MTSS1: variants seen among roughly 807,000 people sequenced by gnomAD.
The protein encoded by MTSS1 is protein MTSS 1.
In MTSS1, 18 loss-of-function variants were observed where a neutral mutation model predicts 79.0. That is an observed-to-expected ratio of 0.23 (90% CI 0.16 to 0.34). MTSS1 has a LOEUF of 0.34. Among genes scored for constraint, MTSS1 ranks in the 10% least tolerant of loss-of-function variants. The probability of loss-of-function intolerance (pLI) is 1.00; values close to 1 mark genes in which losing one functional copy is unlikely to be tolerated. For missense variants in MTSS1, 815 were observed against 986.2 expected (o/e 0.83, Z 2.33); for synonymous variants, 341 against 368.6 (o/e 0.93, Z 0.86).
intron 3 of MTSS1, among the ~76,000 whole-genome samples, chr8:124,642,648 A>G (rs1818270304): frequency 6.6e-6 from 1 of 151,912 alleles, no homozygotes; most frequent in Non-Finnish European, 1.5e-5. Context: ...TCTGCATTGC[A>G]ATGGCATGAT....
chr8:124,702,643 C>T (rs2135452229), intron 2 of MTSS1, among the ~76,000 whole-genome samples: 1 of 152,242 alleles, frequency 6.6e-6, no homozygotes, highest in East Asian at 1.9e-4. Context: ...CCCCTGGTGT[C>T]CACAGGCAAA....
chr8:124,644,637 A>G (rs912502427), intron 3 of MTSS1, among the ~76,000 whole-genome samples: 1 of 152,230 alleles, frequency 6.6e-6, no homozygotes, highest in African/African-American at 2.4e-5. Flanking sequence ...TCTCCACTTC[A>G]GGTCCCTTGA....
chr8:124,659,024 A>G lies in MTSS1; in HGVS notation c.208+40502T>C, dbSNP rs1821504884. Among the ~76,000 whole-genome samples the G allele has an allele frequency of 2.0e-5, 3 of 152,200 alleles. No homozygotes were observed. In the South Asian group the frequency reaches 6.2e-4, roughly 32 times the overall value. On this transcript the variant is annotated intron_variant, in intron 3 of 13. Transcript: ENST00000518547. ...TGTAATCTTTGCATTATTTCAAATGAATCTGAACAAACCCCAGCAATTTTG... is the reference window on the plus strand; with the variant it reads ...TGTAATCTTTGCATTATTTCAAATGGATCTGAACAAACCCCAGCAATTTTG...
chr8:124,689,326 A>G (rs1827549820), intron 3 of MTSS1, among the ~76,000 whole-genome samples: 1 of 152,190 alleles, frequency 6.6e-6, no homozygotes, highest in Admixed American at 6.5e-5. Flanking sequence ...TAGTTTGACA[A>G]CTTCAAGTAT....
chr8:124,583,258 AC>A (rs1425045579), intron 6 of MTSS1, among the ~76,000 whole-genome samples: 1 of 152,182 alleles, frequency 6.6e-6, no homozygotes, highest in East Asian at 1.9e-4. Context: ...AAGAAACCAC[AC>A]AACTGAATGC....
chr8:124,648,387 A>AGGAGTTGC (rs1323546790), intron 3 of MTSS1, among the ~76,000 whole-genome samples: 1 of 152,098 alleles, frequency 6.6e-6, no homozygotes, highest in African/African-American at 2.4e-5. Flanking sequence ...CTACAAAATA[A>AGGAGTTGC]GGAGTTGCTT....
At chr8:124,561,302 C>T (rs1205796895) in intron 10 of MTSS1, among the ~76,000 whole-genome samples, 1 of 152,158 alleles carries the variant, frequency 6.6e-6, no homozygotes, top group East Asian at 1.9e-4. Context: ...CCTGTAATCC[C>T]AGCTACTTGG....
intron 3 of MTSS1, among the ~76,000 whole-genome samples, chr8:124,688,941 A>G (rs954331455): frequency 1.3e-5 from 2 of 152,218 alleles, no homozygotes; most frequent in South Asian, 4.1e-4. Flanking sequence ...AGAAGAAAAA[A>G]AAAAATCCTG....
At chr8:124,712,861 G>A (rs1195073114) in intron 1 of MTSS1, among the ~76,000 whole-genome samples, 1 of 151,892 alleles carries the variant, frequency 6.6e-6, no homozygotes, top group Non-Finnish European at 1.5e-5. Context: ...TGCTCCATTT[G>A]TAACTATTAA....
At chr8:124,672,681 G>A (rs971570343) in intron 3 of MTSS1, among the ~76,000 whole-genome samples, 2 of 152,066 alleles carry the variant, frequency 1.3e-5, no homozygotes, top group Admixed American at 6.6e-5. Context: ...GTGGTGGCAT[G>A]CACCCATAGT....
Position 124,568,396 on chromosome 8 carries a change from T to C in MTSS1, c.601A>G (p.Met201Val), listed in dbSNP as rs751493628. ...TAACTTACAATCACTGGCCGCAGCA[T>C]AGAGATGAAGGTACAGAATCGGCCA... ...ERGRFCTFIS[M>V]LRPVIEEEIS... Residue 201 changes from methionine (M) to valine (V), a missense_variant, in exon 7 of 14, where the codon ATG becomes GTG. By Grantham distance (21) the Met-to-Val change is conservative. Around this residue, in one of 2 missense-constraint regions of MTSS1, gnomAD observed 225 missense variants for 365.4 expected, o/e 0.62. Transcript: ENST00000518547. The C allele has an allele frequency of 6.2e-6, 10 of 1,613,570 alleles. No individual in the cohort carries two copies. The highest frequency in any genetic ancestry group is 4.0e-5 in the African/African-American group (3 of 74,894).
At chr8:124,586,397 C>G (rs1830859240) in intron 5 of MTSS1, among the ~76,000 whole-genome samples, 2 of 152,320 alleles carry the variant, frequency 1.3e-5, no homozygotes, top group South Asian at 4.1e-4. Flanking sequence ...CGTGATGAAA[C>G]CATGTACACC....
At position 124,552,856 on chromosome 8, in the gene MTSS1, G is replaced by A. The variant is rs1168522691; in HGVS notation, c.*136C>T. On this transcript the variant is annotated 3_prime_UTR_variant, in exon 14 of 14. Coordinates refer to ENST00000518547, the MANE Select transcript of MTSS1 (RefSeq NM_014751.6). Reference sequence around the variant, plus strand: ...TTGGTTTTAATTCTTATCTAAAGGTGTCGAGTACTTTCAAAAGAGCTATAT... The same window carrying A: ...TTGGTTTTAATTCTTATCTAAAGGTATCGAGTACTTTCAAAAGAGCTATAT... 5 of 780,500 alleles carry A rather than the reference G, an allele frequency of 6.4e-6. No individual in the cohort carries two copies. Among genetic ancestry groups the A allele is most frequent in the East Asian group, 2.7e-5 (1 of 37,422 alleles). The allele number at this position is 780,500 out of a possible 1,614,324, so 48.3% of individuals were successfully genotyped here.
chr8:124,560,513 T>C (rs780118700), intron 10 of MTSS1, among the ~76,000 whole-genome samples: 1 of 152,158 alleles, frequency 6.6e-6, no homozygotes, highest in Non-Finnish European at 1.5e-5. Context: ...TAGCCAAGCA[T>C]GGTGGCACAT....
At position 124,688,312 on chromosome 8, in the gene MTSS1, G is replaced by A. The variant is rs1324437389; in HGVS notation, c.208+11214C>T. Among the ~76,000 whole-genome samples the A allele has an allele frequency of 3.3e-5, 5 of 149,338 alleles. No individual in the cohort carries two copies. The East Asian group carries it at 9.9e-4, about 30-fold the overall frequency. On this transcript the variant is annotated intron_variant, in intron 3 of 13. Transcript: ENST00000518547. ...GTACGTGTATGTTGTGAATGTATGT[G>A]TATGTGTACATGTGTACGTCTGTGT...
At chr8:124,587,501 A>C (rs1831068007) in intron 5 of MTSS1, among the ~76,000 whole-genome samples, 1 of 152,130 alleles carries the variant, frequency 6.6e-6, no homozygotes, top group Admixed American at 6.5e-5. Context: ...ATTATATATT[A>C]ACTATTTTTT....
At chr8:124,625,050 A>T (rs767496800) in intron 3 of MTSS1, among the ~76,000 whole-genome samples, 1 of 152,140 alleles carries the variant, frequency 6.6e-6, no homozygotes, top group Non-Finnish European at 1.5e-5. Context: ...CAAAAATGCA[A>T]ATCTTTTCTT....
rs1826443810 is a variant in MTSS1 at position 124,683,382 on chromosome 8, T to C, written c.208+16144A>G. On this transcript the variant is annotated intron_variant, in intron 3 of 13. Coordinates refer to ENST00000518547, the MANE Select transcript of MTSS1 (RefSeq NM_014751.6). This position sits in a 1 kb window ranked among gnomAD's most constrained non-coding sequence, Gnocchi z 4.5. ...ATCAAATACTAGCTTTATGTATATA[T>C]AGATATATACGTATATACACATATA... Among the ~76,000 whole-genome samples, 1 of 152,198 alleles carries C rather than the reference T, an allele frequency of 6.6e-6. No individual in the cohort carries two copies. The highest frequency in any genetic ancestry group is 2.4e-5 in the African/African-American group (1 of 41,440).
At chr8:124,567,282 T>C in intron 7 of MTSS1, 104 bp from the exon 8 acceptor site, 2 of 970,584 alleles carry the variant, frequency 2.1e-6, no homozygotes, top group Non-Finnish European at 3.1e-6. Context: ...CTTTCAGTTT[T>C]TCAGAAAAGG....
Sources: allele counts gnomAD v4.1 joint callset (sites outside exome capture counted in the v4.1 genomes callset), GRCh38; gene constraint gnomAD v4.1.1; regional missense constraint gnomAD v4.1.1; non-coding constraint Gnocchi (gnomAD v3.1); transcripts MANE v1.5; gene names NCBI Gene and HGNC (gene_info 2026-07-23, HGNC 2026-07-21).